TPRG1: variants seen among roughly 807,000 people sequenced by gnomAD.
The protein encoded by TPRG1 is tumor protein p63 regulated 1.
In TPRG1, 29 loss-of-function variants were observed where a neutral mutation model predicts 29.3. The observed-to-expected ratio is 0.99, with a 90% confidence interval of 0.74 to 1.35. The LOEUF is 1.35. TPRG1 is among the 40% of genes most tolerant of loss of function. The pLI is 0.00. For synonymous variants in TPRG1, 130 were observed against 116.8 expected (o/e 1.11, Z -0.73); for missense variants, 327 against 335.0 (o/e 0.98, Z 0.19).
At chr3:189,036,056 A>G (rs1714247192) in intron 4 of TPRG1, among the ~76,000 whole-genome samples, 1 of 152,080 alleles carries the variant, frequency 6.6e-6, no homozygotes, top group Admixed American at 6.6e-5. Flanking sequence ...TAAAGAAAAT[A>G]TGGTCCATAT....
intron 4 of TPRG1, among the ~76,000 whole-genome samples, chr3:189,051,658 C>A (rs193145507): frequency 5.9e-5 from 9 of 152,166 alleles, no homozygotes; most frequent in African/African-American, 2.4e-5. Flanking sequence ...GCAAAAAGAG[C>A]AAATCTGGAG....
At chr3:189,232,734 T>C (rs1738856868) in intron 3 of TPRG1, among the ~76,000 whole-genome samples, 1 of 152,196 alleles carries the variant, frequency 6.6e-6, no homozygotes, top group Admixed American at 6.5e-5. Context: ...GGGTTTCTAT[T>C]AGTATCCTGT....
intron 4 of TPRG1, 188 bp from the exon 5 acceptor site, chr3:189,310,198 A>G (rs1388617074): frequency 1.5e-5 from 6 of 402,228 alleles, no homozygotes; most frequent in African/African-American, 4.0e-5. Context: ...CCCATATAGA[A>G]TTCCTCCAAA....
chr3:189,175,166 A>G (rs1729313460), intron 1 of TPRG1, among the ~76,000 whole-genome samples: 1 of 152,178 alleles, frequency 6.6e-6, no homozygotes, highest in Admixed American at 6.5e-5. Flanking sequence ...ATATTTCAAG[A>G]CGAAGAAGAA....
chr3:189,265,891 C>T (rs1713986220), intron 4 of TPRG1, among the ~76,000 whole-genome samples: 1 of 152,072 alleles, frequency 6.6e-6, no homozygotes, highest in African/African-American at 2.4e-5. Flanking sequence ...CTTCTTCTAC[C>T]AAGACAAGAG....
chr3:189,046,159 C>T (rs929965997), intron 4 of TPRG1, among the ~76,000 whole-genome samples: 5 of 152,172 alleles, frequency 3.3e-5, no homozygotes, highest in Admixed American at 3.3e-4. Context: ...AAAACCCAAT[C>T]GAATCTTGGT....
intron 4 of TPRG1, among the ~76,000 whole-genome samples, chr3:189,067,829 A>G (rs1254207129): frequency 6.6e-6 from 1 of 152,202 alleles, no homozygotes; most frequent in Non-Finnish European, 1.5e-5. Context: ...ATGTGGAATC[A>G]TATCAAGTTA....
At chr3:189,083,523 A>G (rs1717742646) in intron 4 of TPRG1, among the ~76,000 whole-genome samples, 1 of 152,198 alleles carries the variant, frequency 6.6e-6, no homozygotes, top group South Asian at 2.1e-4. Context: ...CAGCTTTGTC[A>G]TGAACTTACT....
intron 2 of TPRG1, among the ~76,000 whole-genome samples, chr3:189,209,315 A>G (rs535977221): frequency 6.6e-6 from 1 of 152,208 alleles, no homozygotes; most frequent in Non-Finnish European, 1.5e-5. Context: ...CAACAGGGAA[A>G]ACGACTTATG....
At chr3:189,244,650 A>G (rs533156818) in intron 4 of TPRG1, among the ~76,000 whole-genome samples, 1 of 152,226 alleles carries the variant, frequency 6.6e-6, no homozygotes, top group African/African-American at 2.4e-5. Context: ...GAGAGTACCA[A>G]GAGGATGGCA....
chr3:189,152,624 A>T (rs1389111726), intron 5 of TPRG1, among the ~76,000 whole-genome samples: 1 of 151,144 alleles, frequency 6.6e-6, no homozygotes, highest in Non-Finnish European at 1.5e-5. Flanking sequence ...CATTACTATT[A>T]AAAAGTAGGA....
rs529325831 is a variant in TPRG1, at chr3:189,148,732, A to C, written c.-227+1085A>C. Among the ~76,000 whole-genome samples the C allele has an allele frequency of 3.0e-4, 45 of 152,372 alleles. 1 individual carries two copies. The South Asian group carries it at 9.1e-3, about 31-fold the overall frequency. On this transcript the variant is annotated intron_variant, in intron 4 of 6. Transcript: ENST00000412373. Reference sequence around the variant, plus strand: ...AGGATTCAGATTTGGGTGGTAAAGCAATATGAAAAACAAGTGTCGGTACAC... The same window carrying C: ...AGGATTCAGATTTGGGTGGTAAAGCCATATGAAAAACAAGTGTCGGTACAC...
intron 1 of TPRG1, among the ~76,000 whole-genome samples, chr3:189,172,683 CATA>C (rs1728970797): frequency 6.6e-6 from 1 of 152,134 alleles, no homozygotes; most frequent in African/African-American, 2.4e-5. Flanking sequence ...AGGGAAATTT[CATA>C]ATAATATATA....
At chr3:189,312,162 TTTCTTTCTTTCTTTCTTTCTTTTTTTC>T (rs1560689432) in intron 5 of TPRG1, among the ~76,000 whole-genome samples, 135 of 71,224 alleles carry the variant, frequency 1.9e-3, no homozygotes, top group Admixed American at 0.013. Flanking sequence ...TCTTTCTTTC[TTTCTTTCTTTCTTTCTTTCTTTTTTTC>T]TTTCTTTCTT....
intron 1 of TPRG1, among the ~76,000 whole-genome samples, chr3:189,102,546 C>T (rs553651939): frequency 6.6e-6 from 1 of 152,244 alleles, no homozygotes; most frequent in South Asian, 2.1e-4. Context: ...TGTAAATTGA[C>T]TCTATTGCCT....
chr3:189,106,786 A>G (rs2152200824), intron 1 of TPRG1, among the ~76,000 whole-genome samples: 1 of 152,204 alleles, frequency 6.6e-6, no homozygotes, highest in East Asian at 1.9e-4. Flanking sequence ...AGTTTTAGGT[A>G]GATAAGACTA....
At chr3:189,115,920 C>A (rs1247279506) in intron 1 of TPRG1, among the ~76,000 whole-genome samples, 1 of 151,906 alleles carries the variant, frequency 6.6e-6, no homozygotes, top group African/African-American at 2.4e-5. Flanking sequence ...AAATGTAAAT[C>A]GAAAACACAA....
intron 2 of TPRG1, among the ~76,000 whole-genome samples, chr3:189,127,574 T>G (rs1722631692): frequency 6.6e-6 from 1 of 152,196 alleles, no homozygotes; most frequent in African/African-American, 2.4e-5. Context: ...TGACACAACC[T>G]TTGTCCTTAA....
intron 4 of TPRG1, among the ~76,000 whole-genome samples, chr3:189,149,910 C>T (rs748862881): frequency 2.0e-5 from 3 of 152,322 alleles, no homozygotes; most frequent in Admixed American, 6.5e-5. Flanking sequence ...TGATTATGTA[C>T]GCAGTGTTTT....
Sources: allele counts gnomAD v4.1 joint callset (sites outside exome capture counted in the v4.1 genomes callset), GRCh38; gene constraint gnomAD v4.1.1; transcripts MANE v1.5; gene names NCBI Gene and HGNC (gene_info 2026-07-23, HGNC 2026-07-21).